The following CNTN1 variants were observed in gnomAD, a reference collection of about 807,000 sequenced individuals.
The protein encoded by CNTN1 is contactin-1.
In CNTN1, 38 loss-of-function variants were observed where a neutral mutation model predicts 126.4. The ratio of observed to expected loss-of-function variants is 0.30; its 90% CI spans 0.23 to 0.39. CNTN1 has a LOEUF of 0.39. CNTN1 is among the 10% of genes least tolerant of loss of function. The pLI is 1.00. For synonymous variants in CNTN1, 413 were observed against 422.6 expected, an observed-to-expected ratio of 0.98 and a Z score of 0.28; for missense variants, 1,009 against 1,248.4, an observed-to-expected ratio of 0.81 and a Z score of 2.89.
At chr12:41,025,418 T>TC in intron 21 of CNTN1, 82 bp downstream of exon 21, 1 of 1,386,572 alleles carries the variant, frequency 7.2e-7, no homozygotes, top group Non-Finnish European at 1.0e-6. Flanking sequence ...GAAGGAAATT[T>TC]CCTACCTAGC....
intron 1 of CNTN1, among the ~76,000 whole-genome samples, chr12:40,738,559 T>C (rs909559146): frequency 1.3e-5 from 2 of 151,944 alleles, no homozygotes; most frequent in Non-Finnish European, 2.9e-5. Context: ...AGCCATAAAC[T>C]AGCGAAAGTA....
rs543814830 is a variant in CNTN1 at position 40,919,465 on chromosome 12, T to C, written c.227+694T>C. On this transcript the variant is annotated intron_variant, in intron 4 of 23. Coordinates refer to ENST00000551295, the MANE Select transcript of CNTN1 (RefSeq NM_001843.4). ...CAAAAATCAACCAAATGCCAGTGGATTTAAATTTCACCTGTGCAATGGTTC... is the reference window on the plus strand; with the variant it reads ...CAAAAATCAACCAAATGCCAGTGGACTTAAATTTCACCTGTGCAATGGTTC... Among the ~76,000 whole-genome samples, 348 of 152,280 alleles carry C rather than the reference T, an allele frequency of 2.3e-3. 1 individual carries two copies. The highest frequency in any genetic ancestry group is 4.3e-3 in the Non-Finnish European group (295 of 68,008).
At chr12:40,956,849 A>C (rs1365329409) in intron 14 of CNTN1, among the ~76,000 whole-genome samples, 3 of 152,072 alleles carry the variant, frequency 2.0e-5, no homozygotes, top group Admixed American at 1.3e-4. Flanking sequence ...TAACCAATAG[A>C]GGAAAGAATA....
intron 1 of CNTN1, among the ~76,000 whole-genome samples, chr12:40,733,274 T>A (rs1021157352): frequency 6.8e-6 from 1 of 148,018 alleles, no homozygotes; most frequent in Admixed American, 6.7e-5. Context: ...AAGGCTATAT[T>A]TTTTTTGCTT....
At chr12:40,975,066 G>A (rs571678449) in intron 15 of CNTN1, among the ~76,000 whole-genome samples, 5 of 151,286 alleles carry the variant, frequency 3.3e-5, no homozygotes, top group Admixed American at 6.6e-5. Context: ...CATTTTGAGC[G>A]TGTTATACCA....
intron 1 of CNTN1, among the ~76,000 whole-genome samples, chr12:40,881,192 A>G (rs1399463393): frequency 6.6e-6 from 1 of 151,966 alleles, no homozygotes; most frequent in Non-Finnish European, 1.5e-5. Context: ...GAAGTTTTGT[A>G]AACCCACCCA....
chr12:40,993,360 C>G, intron 17 of CNTN1, 91 bp downstream of exon 17: 2 of 1,090,818 alleles, frequency 1.8e-6, no homozygotes, highest in Non-Finnish European at 2.7e-6. Flanking sequence ...AAATAATGCT[C>G]TGAGGTAAGT....
chr12:40,974,367 G>A (rs1196410559), intron 15 of CNTN1, among the ~76,000 whole-genome samples: 1 of 152,056 alleles, frequency 6.6e-6, no homozygotes, highest in Admixed American at 6.6e-5. Context: ...CACTTTGGGA[G>A]ACTGAGATGG....
At chr12:40,759,186 G>A (rs1005440618) in intron 1 of CNTN1, among the ~76,000 whole-genome samples, 1 of 152,128 alleles carries the variant, frequency 6.6e-6, no homozygotes, top group African/African-American at 2.4e-5. Flanking sequence ...TTACAGGCAT[G>A]AGCCACTGTG....
At chr12:40,722,830 C>T (rs2121224413) in intron 1 of CNTN1, among the ~76,000 whole-genome samples, 1 of 152,174 alleles carries the variant, frequency 6.6e-6, no homozygotes, top group Admixed American at 6.5e-5. Flanking sequence ...AAAACCTCTG[C>T]ATATATGCTG....
intron 1 of CNTN1, among the ~76,000 whole-genome samples, chr12:40,699,997 T>C (rs1428994556): frequency 6.6e-6 from 1 of 152,216 alleles, no homozygotes; most frequent in African/African-American, 2.4e-5. Flanking sequence ...TTATTACCTA[T>C]ATAGGGTTTT....
intron 12 of CNTN1, among the ~76,000 whole-genome samples, chr12:40,940,047 G>C (rs186190834): frequency 2.0e-5 from 3 of 152,218 alleles, no homozygotes; most frequent in Admixed American, 2.0e-4. Flanking sequence ...AACTTATATA[G>C]ATTATTTGTA....
In CNTN1 at chr12:41,070,093, G is replaced by C; in HGVS notation, c.*58G>C. On this transcript the variant is annotated 3_prime_UTR_variant, in exon 24 of 24. Coordinates refer to ENST00000551295, the MANE Select transcript of CNTN1 (RefSeq NM_001843.4). Reference sequence around the variant, plus strand: ...CTCAGAAGACACCCTTCAACCCTGGGATGACCACAATTCCTTCCAATTTCT... The same window carrying C: ...CTCAGAAGACACCCTTCAACCCTGGCATGACCACAATTCCTTCCAATTTCT... 6.8e-7 allele frequency: 1 copy of C among 1,461,076 alleles called. No homozygotes were observed. The highest frequency in any genetic ancestry group is 9.6e-7 in the Non-Finnish European group (1 of 1,042,018). 90.5% of individuals were successfully genotyped at this position (1,461,076 alleles called of 1,614,324 possible).
At chr12:40,875,376 T>C (rs1461558051) in intron 1 of CNTN1, among the ~76,000 whole-genome samples, 1 of 152,044 alleles carries the variant, frequency 6.6e-6, no homozygotes, top group Non-Finnish European at 1.5e-5. Flanking sequence ...TCCCTCCTGT[T>C]GCCCATTTGT....
intron 1 of CNTN1, among the ~76,000 whole-genome samples, chr12:40,860,516 C>T (rs976459063): frequency 1.3e-5 from 2 of 152,008 alleles, no homozygotes; most frequent in Admixed American, 6.6e-5. Flanking sequence ...TTCTGATCAA[C>T]GGGCTACAAA....
chr12:40,711,853 C>T (rs1591999182), intron 1 of CNTN1, among the ~76,000 whole-genome samples: 1 of 152,266 alleles, frequency 6.6e-6, no homozygotes, highest in Middle Eastern at 3.4e-3. Flanking sequence ...GCTGGCACTA[C>T]AGGCACTTGC....
At chr12:40,930,057 A>G in intron 7 of CNTN1, 55 bp downstream of exon 7, 1 of 1,289,832 alleles carries the variant, frequency 7.8e-7, no homozygotes. Flanking sequence ...CATATGGTAT[A>G]CTTACCGTAA....
At chr12:40,954,074 G>A (rs1001136172) in intron 14 of CNTN1, among the ~76,000 whole-genome samples, 1 of 152,072 alleles carries the variant, frequency 6.6e-6, no homozygotes, top group African/African-American at 2.4e-5. Context: ...CATTGAAATA[G>A]TGGGAGTTTA....
At chr12:40,788,886 C>T (rs886296361) in intron 1 of CNTN1, among the ~76,000 whole-genome samples, 4 of 152,026 alleles carry the variant, frequency 2.6e-5, no homozygotes, top group African/African-American at 7.2e-5. Context: ...GTAAAGTACC[C>T]GCTACATAGT....
Sources: gnomAD v4.1 joint callset for allele counts (sites outside exome capture counted in the v4.1 genomes callset) on GRCh38, gnomAD v4.1.1 for gene constraint, MANE v1.5 for transcripts, NCBI Gene and HGNC (gene_info 2026-07-23, HGNC 2026-07-21) for gene names.